Variants in OR52N4 observed in about 807,000 individuals in gnomAD.
The protein encoded by OR52N4 is olfactory receptor 52N4.
In OR52N4, 15 loss-of-function variants were observed where a neutral mutation model predicts 15.0. The observed-to-expected ratio is 1.00, with a 90% CI of 0.67 to 1.54. OR52N4 has a LOEUF of 1.54. OR52N4 is among the 40% of genes most tolerant of loss of function. The probability of loss-of-function intolerance (pLI) is 0.00; values close to 1 mark genes in which losing one functional copy is unlikely to be tolerated. For missense variants in OR52N4, 421 were observed against 394.0 expected (o/e 1.07, Z -0.58); for synonymous variants, 143 against 143.7 (o/e 1.00, Z 0.03).
the OR52N4 span, among the ~76,000 whole-genome samples, chr11:5,730,398 A>G: frequency 1.3e-5 from 2 of 151,774 alleles, no homozygotes; most frequent in Non-Finnish European, 2.9e-5. Flanking sequence ...TCACTGTGTT[A>G]GCCAGGATGG....
chr11:5,732,024 A>ATTT, the OR52N4 span, among the ~76,000 whole-genome samples: 18 of 151,700 alleles, frequency 1.2e-4, no homozygotes, highest in African/African-American at 4.1e-4. Flanking sequence ...TCATAAAGTT[A>ATTT]TTTTTTTTGC....
chr11:5,729,153 T>A, the OR52N4 span, among the ~76,000 whole-genome samples: 34 of 132,930 alleles, frequency 2.6e-4, no homozygotes, highest in African/African-American at 9.5e-4. Flanking sequence ...AGAGTCTCGC[T>A]CTGTCACCCA....
At chr11:5,730,026 C>T in the OR52N4 span, among the ~76,000 whole-genome samples, 3 of 151,484 alleles carry the variant, frequency 2.0e-5, no homozygotes, top group Admixed American at 1.3e-4. Flanking sequence ...AAAAATTTCT[C>T]ATAACCTTAG....
At position 5,755,080 on chromosome 11, in the gene OR52N4, T is replaced by A. The variant is rs1310049095; in HGVS notation, c.340T>A (p.Ser114Thr). 5.6e-6 allele frequency: 9 copies of A among 1,613,954 alleles called. No homozygotes were observed. The highest frequency in any genetic ancestry group is 7.6e-6 in the Non-Finnish European group (9 of 1,179,968). ...CACCCACACCTTCACAGGGATGGAG[T>A]CTGGGGTGCTTATGCTTATGGCCCT... ...FFTHTFTGMESGVLMLMALDR... is the reference protein window; with the variant it reads ...FFTHTFTGMETGVLMLMALDR... Residue 114 changes from serine to threonine, a missense_variant, in exon 2 of 2, where the codon TCT (serine) becomes ACT (threonine). By Grantham distance (58) the Ser-to-Thr change is moderately conservative. Coordinates refer to ENST00000641350, the MANE Select transcript of OR52N4 (RefSeq NM_001005175.5).
chr11:5,736,825 C>T, the OR52N4 span: 18 of 1,613,804 alleles, frequency 1.1e-5, no homozygotes, highest in Non-Finnish European at 1.4e-5. Flanking sequence ...TTATTAGCCT[C>T]CCTGAGTGCT....
At chr11:5,730,875 T>C in the OR52N4 span, among the ~76,000 whole-genome samples, 738 of 151,862 alleles carry the variant, frequency 4.9e-3, 9 homozygotes, top group African/African-American at 0.017. Flanking sequence ...TTTTGTTTCT[T>C]TCAATTATGA....
At chr11:5,730,808 A>G in the OR52N4 span, among the ~76,000 whole-genome samples, 1 of 150,738 alleles carries the variant, frequency 6.6e-6, no homozygotes, top group Non-Finnish European at 1.5e-5. Context: ...GACAGCAACT[A>G]GATGTCTATG....
Position 5,754,816 on chromosome 11 carries a change from C to A in OR52N4, c.76C>A (p.Gln26Lys). ...TGGAGTCCCAGGACTGGAAGACACA[C>A]AACTCTGGATTTCCTTCCCATTCTG... ...LNGVPGLEDT[Q>K]LWISFPFCSM... Residue 26 changes from glutamine to lysine, a missense_variant, in exon 2 of 2, where the codon CAA (glutamine) becomes AAA (lysine). Coordinates refer to ENST00000641350, the MANE Select transcript of OR52N4 (RefSeq NM_001005175.5). 1 of 1,613,716 alleles carries A rather than the reference C, an allele frequency of 6.2e-7. No individual in the cohort carries two copies. The highest frequency in any genetic ancestry group is 8.5e-7 in the Non-Finnish European group (1 of 1,179,752).
At chr11:5,729,738 A>G in the OR52N4 span, among the ~76,000 whole-genome samples, 5,932 of 152,126 alleles carry the variant, frequency 0.039, 129 homozygotes, top group Middle Eastern at 0.088. Context: ...CCCCTTATAC[A>G]CCTCCGGCCA....
At chr11:5,727,474 A>G in the OR52N4 span, 3 of 151,530 alleles carry the variant, frequency 2.0e-5, no homozygotes, top group African/African-American at 7.3e-5. Context: ...ACCCTGGAGT[A>G]TAGAGGGACT....
the OR52N4 span, chr11:5,727,373 TG>T: frequency 1.3e-5 from 2 of 152,378 alleles, no homozygotes; most frequent in Non-Finnish European, 2.9e-5. Context: ...CTTAATCCTG[TG>T]GTATATGGAG....
chr11:5,754,726 C>T lies in OR52N4; in HGVS notation c.-15C>T. ...AGACAAATTTTGAGCTATTTCATAA[C>T]CTACCAGACTTATCATGCTAACACT... On this transcript the variant is annotated 5_prime_UTR_variant, in exon 2 of 2. Transcript: ENST00000641350. The T allele has an allele frequency of 3.8e-6, 6 of 1,583,994 alleles. No homozygotes were observed. Among genetic ancestry groups the T allele is most frequent in the Non-Finnish European group, 5.1e-6 (6 of 1,165,748 alleles).
rs372632967 is a variant in OR52N4 at position 5,754,754 on chromosome 11, A to G, written c.14A>G (p.Asn5Ser). MLTL[N>S]KTDLIPASFI... ...ACCAGACTTATCATGCTAACACTGA[A>G]TAAAACAGACCTAATACCAGCTTCA... The change falls in exon 2 of 2, where the codon AAT becomes AGT. Residue 5 changes from asparagine to serine, a missense_variant. By Grantham distance (46) the Asn-to-Ser change is conservative (BLOSUM62 1). Transcript: ENST00000641350. 9.3e-6 allele frequency: 15 copies of G among 1,612,936 alleles called. No homozygotes were observed. The highest frequency in any genetic ancestry group is 1.3e-5 in the African/African-American group (1 of 74,872).
chr11:5,747,077 C>CAAAAAA, the OR52N4 span, among the ~76,000 whole-genome samples: 3 of 57,260 alleles, frequency 5.2e-5, no homozygotes, highest in African/African-American at 7.5e-5. Context: ...GTAAAAATAC[C>CAAAAAA]AAAAAAAAAA....
the OR52N4 span, among the ~76,000 whole-genome samples, chr11:5,740,879 A>G: frequency 7.9e-5 from 10 of 127,190 alleles, 3 homozygotes; most frequent in African/African-American, 2.8e-4. Context: ...TCAGAACTCC[A>G]TGACTGTTTA....
upstream of OR52N4, among the ~76,000 whole-genome samples, chr11:5,753,486 G>T (rs1854229613): frequency 6.6e-6 from 1 of 152,028 alleles, no homozygotes; most frequent in African/African-American, 2.4e-5. Context: ...TGTTGTTGAA[G>T]TACTTTATAT....
the OR52N4 span, among the ~76,000 whole-genome samples, chr11:5,729,106 A>T: frequency 2.5e-5 from 3 of 120,850 alleles, no homozygotes; most frequent in Non-Finnish European, 3.4e-5. Flanking sequence ...TCTAATCCTT[A>T]AATTGAGATT....
At position 5,755,505 on chromosome 11, in the gene OR52N4, T is replaced by A. The variant is rs768883803; in HGVS notation, c.765T>A (p.Thr255=). The change falls in exon 2 of 2, where the codon ACT becomes ACA. Residue 255 remains threonine (T), a synonymous_variant. Coordinates refer to ENST00000641350, the MANE Select transcript of OR52N4 (RefSeq NM_001005175.5). ...AHICAIVFSY[T]PAFFSFFSHR... ...TTTGTGCCATTGTTTTCTCCTATACTCCAGCTTTCTTCTCCTTCTTTTCCC... is the reference window on the plus strand; with the variant it reads ...TTTGTGCCATTGTTTTCTCCTATACACCAGCTTTCTTCTCCTTCTTTTCCC... 3.1e-6 allele frequency: 5 copies of A among 1,613,932 alleles called. No individual in the cohort carries two copies. Among genetic ancestry groups the A allele is most frequent in the Non-Finnish European group, 4.2e-6 (5 of 1,179,838 alleles).
chr11:5,729,420 G>A, the OR52N4 span, among the ~76,000 whole-genome samples: 5 of 152,014 alleles, frequency 3.3e-5, no homozygotes, highest in South Asian at 2.1e-4. Flanking sequence ...GTGCCCGGCC[G>A]AGATATTCTT....
Sources: gnomAD v4.1 joint callset for allele counts (sites outside exome capture counted in the v4.1 genomes callset) on GRCh38, gnomAD v4.1.1 for gene constraint, MANE v1.5 for transcripts, NCBI Gene and HGNC (gene_info 2026-07-23, HGNC 2026-07-21) for gene names.